Variants in RARS2 observed in about 807,000 individuals in gnomAD.
RARS2 encodes probable arginine--tRNA ligase, mitochondrial.
RARS2 carries 67 observed loss-of-function variants against 88.5 expected under a neutral mutation model. The observed-to-expected ratio is 0.76, with a 90% CI of 0.62 to 0.93. The LOEUF is 0.93. Ranked by LOEUF, RARS2 falls within the 40% of genes least tolerant of loss-of-function variation. The probability of loss-of-function intolerance (pLI) is 0.00; values close to 1 mark genes in which losing one functional copy is unlikely to be tolerated. For missense variants in RARS2, 664 were observed against 684.2 expected (o/e 0.97, Z 0.33); for synonymous variants, 239 against 230.3 (o/e 1.04, Z -0.34).
At chr6:87,566,415 T>C (rs946538439) in intron 2 of RARS2, among the ~76,000 whole-genome samples, 2 of 152,224 alleles carry the variant, frequency 1.3e-5, no homozygotes, top group Admixed American at 1.3e-4. Flanking sequence ...TCTTTTCTTA[T>C]TCTTCTGTAT....
rs1235679610 is a variant in RARS2 at position 87,520,379 on chromosome 6, T to G, written c.1036-123A>C. The G allele has an allele frequency of 1.5e-5, 11 of 755,520 alleles. No individual in the cohort carries two copies. The East Asian group carries it at 3.0e-4, about 21-fold the overall frequency. The allele number at this position is 755,520 out of a possible 1,614,324, so 46.8% of individuals were successfully genotyped here. On this transcript the variant is annotated intron_variant, in intron 12 of 19. Coordinates refer to ENST00000369536, the MANE Select transcript of RARS2 (RefSeq NM_020320.5). Reference sequence around the variant, plus strand: ...AGACTAAAGTCGTCAATTGATATGTTTTAACTAAACACAAAGAGGATGCCA... The same window carrying G: ...AGACTAAAGTCGTCAATTGATATGTGTTAACTAAACACAAAGAGGATGCCA...
At position 87,548,613 on chromosome 6, in the gene RARS2, T is replaced by C; in HGVS notation, c.429A>G (p.Gly143=). ...TACCTATGATGGTAGAACGCAAATG[T>C]CCAACATGAAATTTTTTGGCAACAT... ...SPNVAKKFHV[G]HLRSTIIGNF... Residue 143 remains glycine, a synonymous_variant, in exon 6 of 20, where the codon GGA becomes GGG. Transcript: ENST00000369536. 1 of 1,613,270 alleles carries C rather than the reference T, an allele frequency of 6.2e-7. No individual in the cohort carries two copies. The highest frequency in any genetic ancestry group is 8.5e-7 in the Non-Finnish European group (1 of 1,179,636).
chr6:87,529,072 A>G (rs1167624332), intron 10 of RARS2, among the ~76,000 whole-genome samples: 1 of 152,146 alleles, frequency 6.6e-6, no homozygotes, highest in South Asian at 2.1e-4. Context: ...ATATGCTAAC[A>G]CCATCTCTGA....
intron 1 of RARS2, among the ~76,000 whole-genome samples, chr6:87,579,713 ATGTTT>A (rs1772808698): frequency 8.8e-6 from 1 of 113,400 alleles, no homozygotes; most frequent in African/African-American, 3.5e-5. Context: ...AGCATAGAGC[ATGTTT>A]TTTTTTTTTT....
rs5878032 is a variant in RARS2 at position 87,514,311 on chromosome 6, CA to C, written c.*101del. On this transcript the variant is annotated 3_prime_UTR_variant, in exon 20 of 20. Coordinates refer to ENST00000369536, the MANE Select transcript of RARS2 (RefSeq NM_020320.5). Reference sequence around the variant, plus strand: ...GGGCAACAAGAGCGAAACTCCATCTCAAAAAAAAAAAAAAAAAATTTAAATT... The same window carrying C: ...GGGCAACAAGAGCGAAACTCCATCTCAAAAAAAAAAAAAAAAATTTAAATT... The C allele has an allele frequency of 0.33, 186,191 of 562,758 alleles. 6,015 individuals carry two copies. The highest frequency in any genetic ancestry group is 0.41 in the Admixed American group (12,142 of 29,512). The allele number at this position is 562,758 out of a possible 1,614,324, so 34.9% of individuals were successfully genotyped here. A position where few individuals can be genotyped will look rare whatever the true frequency, so the allele number is the denominator to read the frequency against.
chr6:87,546,374 T>G (rs7757636), intron 6 of RARS2, among the ~76,000 whole-genome samples: 96,674 of 152,098 alleles, frequency 0.64, 32,229 homozygotes, highest in African/African-American at 0.84. Context: ...ATTTGGAAGG[T>G]GAGCTACTTC....
intron 5 of RARS2, among the ~76,000 whole-genome samples, chr6:87,550,796 TAC>T (rs1784090315): frequency 7.9e-6 from 1 of 126,104 alleles, no homozygotes; most frequent in Non-Finnish European, 1.7e-5. Flanking sequence ...GAACATAAAA[TAC>T]ATTATTTAAG....
intron 8 of RARS2, 117 bp downstream of exon 8, chr6:87,541,801 G>A (rs1781054977): frequency 7.9e-6 from 6 of 762,676 alleles, no homozygotes; most frequent in Non-Finnish European, 1.3e-5. Context: ...TCCAGCCTGG[G>A]CAACAGAGCG....
At chr6:87,525,807 A>C (rs1244422619) in intron 10 of RARS2, among the ~76,000 whole-genome samples, 1 of 152,136 alleles carries the variant, frequency 6.6e-6, no homozygotes, top group Non-Finnish European at 1.5e-5. Context: ...CGGCCTCCCA[A>C]AGTGCTGGGA....
intron 1 of RARS2, among the ~76,000 whole-genome samples, chr6:87,578,297 G>C (rs1366389714): frequency 6.6e-6 from 1 of 152,034 alleles, no homozygotes; most frequent in African/African-American, 2.4e-5. Flanking sequence ...TTTGTAAAAA[G>C]CATATTTATC....
At chr6:87,536,363 G>A (rs774447629) in intron 8 of RARS2, among the ~76,000 whole-genome samples, 3 of 152,008 alleles carry the variant, frequency 2.0e-5, no homozygotes, top group Admixed American at 6.6e-5. Flanking sequence ...TTGCCTGGGC[G>A]TGGTGGCTCA....
At chr6:87,549,427 T>C (rs779723069) in intron 5 of RARS2, among the ~76,000 whole-genome samples, 7 of 151,932 alleles carry the variant, frequency 4.6e-5, no homozygotes, top group Non-Finnish European at 7.4e-5. Flanking sequence ...GGTGCATGCT[T>C]GTAGTCCTAG....
At chr6:87,535,681 T>G (rs572467396) in intron 8 of RARS2, among the ~76,000 whole-genome samples, 81 of 148,164 alleles carry the variant, frequency 5.5e-4, no homozygotes, top group Admixed American at 6.7e-4. Context: ...GTTTTGTTTT[T>G]TTTTTTTTTT....
At chr6:87,588,260 AT>A (rs569267194) in intron 1 of RARS2, among the ~76,000 whole-genome samples, 1 of 152,148 alleles carries the variant, frequency 6.6e-6, no homozygotes, top group Admixed American at 6.5e-5. Context: ...TGAATTTATT[AT>A]TTTTTGTCTT....
intron 1 of RARS2, among the ~76,000 whole-genome samples, chr6:87,579,776 G>C (rs1339587086): frequency 7.4e-6 from 1 of 135,690 alleles, no homozygotes; most frequent in African/African-American, 2.8e-5. Context: ...CGCCAGGCTG[G>C]AGTGCAGTGA....
At chr6:87,569,874 G>C (rs1379089090) in intron 1 of RARS2, among the ~76,000 whole-genome samples, 1 of 148,810 alleles carries the variant, frequency 6.7e-6, no homozygotes, top group Non-Finnish European at 1.5e-5. Context: ...CAAAAAGAAT[G>C]AACTTTACCT....
intron 3 of RARS2, 81 bp from the exon 4 acceptor site, chr6:87,562,866 T>C: frequency 1.8e-6 from 2 of 1,094,342 alleles, no homozygotes; most frequent in Non-Finnish European, 2.8e-6. Flanking sequence ...TATTTTTGGC[T>C]TACAAAGACA....
intron 8 of RARS2, among the ~76,000 whole-genome samples, chr6:87,537,533 A>C (rs6918909): frequency 0.61 from 92,356 of 151,964 alleles, 28,879 homozygotes; most frequent in African/African-American, 0.75. Flanking sequence ...TATTCCACAA[A>C]TTATATATAA....
chr6:87,515,519 CAAA>C, intron 18 of RARS2, among the ~76,000 whole-genome samples: 1 of 127,550 alleles, frequency 7.8e-6, no homozygotes, highest in African/African-American at 2.9e-5. Flanking sequence ...GACTCTGTCT[CAAA>C]AAAAAAAAAA....
Sources: allele counts gnomAD v4.1 joint callset (sites outside exome capture counted in the v4.1 genomes callset), GRCh38; gene constraint gnomAD v4.1.1; transcripts MANE v1.5; gene names NCBI Gene and HGNC (gene_info 2026-07-23, HGNC 2026-07-21).